The following SIPA1L3 variants were observed in gnomAD, a reference collection of about 807,000 sequenced individuals.
SIPA1L3 encodes signal induced proliferation associated 1 like 3, also known as signal-induced proliferation-associated 1-like protein 3.
In SIPA1L3, 59 loss-of-function variants were observed where a neutral mutation model predicts 150.1. The observed-to-expected ratio is 0.39, with a 90% confidence interval of 0.32 to 0.49. The LOEUF (loss-of-function observed/expected upper bound fraction) is 0.49. SIPA1L3 is among the 20% of genes least tolerant of loss of function. SIPA1L3 has a pLI of 0.86. For synonymous variants in SIPA1L3, 1,070 were observed against 1,077.6 expected, an observed-to-expected ratio of 0.99 and a Z score of 0.14; for missense variants, 2,211 against 2,489.5, an observed-to-expected ratio of 0.89 and a Z score of 2.38.
At chr19:38,006,846 C>T (rs1008469497) in intron 1 of SIPA1L3, among the ~76,000 whole-genome samples, 5 of 152,132 alleles carry the variant, frequency 3.3e-5, no homozygotes, top group African/African-American at 1.2e-4. Flanking sequence ...TGATCTTTGT[C>T]CAAGGTTATT....
At chr19:38,147,419 G>A (rs1331840051) in intron 12 of SIPA1L3, among the ~76,000 whole-genome samples, 3 of 152,040 alleles carry the variant, frequency 2.0e-5, no homozygotes, top group South Asian at 4.2e-4. Flanking sequence ...ATTATTTTAT[G>A]GATCAGGTTT....
chr19:38,044,605 C>A (rs1464446749), intron 2 of SIPA1L3, among the ~76,000 whole-genome samples: 1 of 152,166 alleles, frequency 6.6e-6, no homozygotes, highest in Non-Finnish European at 1.5e-5. Context: ...GAAGGTGTGA[C>A]TACACGTGTT....
intron 5 of SIPA1L3, 151 bp downstream of exon 5, chr19:38,100,301 C>G (rs1600068815): frequency 4.8e-6 from 3 of 629,604 alleles, no homozygotes; most frequent in Admixed American, 7.4e-5. Context: ...GGATTCAAAT[C>G]AAATTCTAGT....
At chr19:38,201,791 G>A in intron 19 of SIPA1L3, 71 bp from the exon 20 acceptor site, 2 of 1,508,566 alleles carry the variant, frequency 1.3e-6, no homozygotes, top group Non-Finnish European at 1.8e-6. Flanking sequence ...GCAGGGAGAG[G>A]CGTGGTCCGT....
chr19:38,084,487 TG>T (rs1331926085), intron 3 of SIPA1L3, among the ~76,000 whole-genome samples: 2 of 140,858 alleles, frequency 1.4e-5, no homozygotes, highest in African/African-American at 5.4e-5. Context: ...CAAAAGAGGC[TG>T]GGAAACGCAG....
chr19:37,917,987 G>A (rs916099363), intron 1 of SIPA1L3, among the ~76,000 whole-genome samples: 2 of 151,694 alleles, frequency 1.3e-5, no homozygotes, highest in East Asian at 1.9e-4. Context: ...CCTGGGTGAC[G>A]GAGAAAGACC....
chr19:38,102,387 A>G (rs1470286672), intron 6 of SIPA1L3, among the ~76,000 whole-genome samples: 2 of 151,780 alleles, frequency 1.3e-5, no homozygotes, highest in Non-Finnish European at 2.9e-5. Flanking sequence ...TATGTTACCC[A>G]GACTGGTCTC....
rs559447583 is a variant in SIPA1L3 at position 38,043,554 on chromosome 19, C to T, written c.-311+14398C>T. On this transcript the variant is annotated intron_variant, in intron 2 of 21. Transcript: ENST00000222345. ...CTAAAATCTGAATTATTCAGAATTC[C>T]GAAACACATCAGGCCCAAGAGGTTT... Among the ~76,000 whole-genome samples, 282 of 152,218 alleles carry T rather than the reference C, an allele frequency of 1.9e-3. 1 individual carries two copies. Among genetic ancestry groups the T allele is most frequent in the Non-Finnish European group, 3.5e-3 (239 of 68,030 alleles).
chr19:37,916,406 G>A (rs2046415061), intron 1 of SIPA1L3, among the ~76,000 whole-genome samples: 1 of 150,648 alleles, frequency 6.6e-6, no homozygotes. Context: ...AGGCTGAGGT[G>A]AGAGGATCAC....
rs776357333 is a variant in SIPA1L3 at position 38,110,157 on chromosome 19, A to C, written c.2134-70A>C. 3.4e-6 allele frequency: 5 copies of C among 1,478,186 alleles called. No individual in the cohort carries two copies. The Admixed American group carries it at 7.0e-5, about 21-fold the overall frequency. 91.6% of individuals were successfully genotyped at this position (1,478,186 alleles called of 1,614,324 possible). A position where few individuals can be genotyped will look rare whatever the true frequency, so the allele number is the denominator to read the frequency against. On this transcript the variant is annotated intron_variant, in intron 7 of 21. Coordinates refer to ENST00000222345, the MANE Select transcript of SIPA1L3 (RefSeq NM_015073.3). ...GGGGGTGGGTGGGGGGAGCTGTGGC[A>C]GTGGTCCAGGCAGGACCCGTCAGGC... is the stretch of plus-strand genomic sequence containing the variant.
chr19:37,971,819 A>G (rs1966947690), intron 1 of SIPA1L3, among the ~76,000 whole-genome samples: 7 of 151,836 alleles, frequency 4.6e-5, no homozygotes, highest in Admixed American at 4.6e-4. Context: ...CGCCCGCCTC[A>G]GCCTCCCAAA....
In SIPA1L3 at chr19:38,082,581, G is replaced by A; in HGVS notation, c.1016G>A (p.Ser339Asn). 1.2e-6 allele frequency: 2 copies of A among 1,604,520 alleles called. No homozygotes were observed. Among genetic ancestry groups the A allele is most frequent in the Non-Finnish European group, 1.7e-6 (2 of 1,179,666 alleles). ...EASRPWVCQK[S>N]FAHFDVQSML... is the part of the protein sequence containing the mutation. ...AGCAGGCCGTGGGTGTGTCAGAAGA[G>A]CTTCGCCCACTTCGACGTGCAGAGC... Residue 339 changes from serine (S) to asparagine (N), a missense_variant, in exon 3 of 22, where the codon AGC becomes AAC. Transcript: ENST00000222345.
intron 12 of SIPA1L3, among the ~76,000 whole-genome samples, chr19:38,151,961 C>CAAAAA (rs35851181): frequency 5.8e-5 from 5 of 86,122 alleles, no homozygotes; most frequent in Admixed American, 1.4e-4. Flanking sequence ...GACCCCATCT[C>CAAAAA]AAAAAAAAAA....
chr19:38,024,829 T>TGC (rs1285465321), intron 1 of SIPA1L3, among the ~76,000 whole-genome samples: 1 of 152,064 alleles, frequency 6.6e-6, no homozygotes, highest in Non-Finnish European at 1.5e-5. Context: ...TCCTGTGCTG[T>TGC]TAGTTTGTTG....
chr19:38,177,470 C>T (rs1466526446), intron 15 of SIPA1L3, among the ~76,000 whole-genome samples: 1 of 151,358 alleles, frequency 6.6e-6, no homozygotes, highest in African/African-American at 2.4e-5. Context: ...CACAGGAGTT[C>T]GAGACCTGCC....
chr19:38,056,970 G>A (rs1015472211), intron 2 of SIPA1L3, among the ~76,000 whole-genome samples: 1 of 151,940 alleles, frequency 6.6e-6, no homozygotes, highest in Non-Finnish European at 1.5e-5. Flanking sequence ...AGACCCTGTC[G>A]TTAAAAAATA....
At position 38,065,276 on chromosome 19, in the gene SIPA1L3, T is replaced by G. The variant is rs181154846; in HGVS notation, c.-310-15980T>G. 3.2e-4 allele frequency among the ~76,000 whole-genome samples: 49 copies of G among 152,228 alleles called. No individual in the cohort carries two copies. The East Asian group carries it at 9.3e-3, about 29-fold the overall frequency. On this transcript the variant is annotated intron_variant, in intron 2 of 21. Coordinates refer to ENST00000222345, the MANE Select transcript of SIPA1L3 (RefSeq NM_015073.3). ...TCTGCCTTTGGAAACATGCAAATTG[T>G]TCAGACTCCATGGGCCCTCAAGTAG...
chr19:38,038,009 G>A (rs1173432206), intron 2 of SIPA1L3, among the ~76,000 whole-genome samples: 16 of 152,178 alleles, frequency 1.1e-4, no homozygotes, highest in Admixed American at 6.5e-5. Flanking sequence ...GGCAGGTAGC[G>A]GGAGATTTTT....
At chr19:38,067,083 T>A (rs576052532) in intron 2 of SIPA1L3, among the ~76,000 whole-genome samples, 1 of 150,796 alleles carries the variant, frequency 6.6e-6, no homozygotes, top group African/African-American at 2.4e-5. Context: ...CAAAAAAAAA[T>A]TAAAAATTAG....
Sources: allele counts gnomAD v4.1 joint callset (sites outside exome capture counted in the v4.1 genomes callset), GRCh38; gene constraint gnomAD v4.1.1; transcripts MANE v1.5; gene names NCBI Gene and HGNC (gene_info 2026-07-23, HGNC 2026-07-21).